TEC: variants seen among roughly 807,000 people sequenced by gnomAD.
TEC encodes tyrosine-protein kinase Tec.
In TEC, 72 loss-of-function variants were observed where a neutral mutation model predicts 93.0. The observed-to-expected ratio is 0.77, with a 90% CI of 0.64 to 0.94. The LOEUF (loss-of-function observed/expected upper bound fraction) is 0.94, where lower values mean the gene tolerates loss of function less well. TEC is among the 40% of genes least tolerant of loss of function. The pLI is 0.00. For synonymous variants in TEC, 249 were observed against 247.7 expected, an observed-to-expected ratio of 1.01 and a Z score of -0.05; for missense variants, 630 against 757.9, an observed-to-expected ratio of 0.83 and a Z score of 1.98.
chr4:48,165,764 T>C (rs1720850925), intron 7 of TEC, among the ~76,000 whole-genome samples: 1 of 152,110 alleles, frequency 6.6e-6, no homozygotes, highest in African/African-American at 2.4e-5. Flanking sequence ...AAATCAAAAA[T>C]GTAGAATAAG....
intron 9 of TEC, among the ~76,000 whole-genome samples, chr4:48,152,546 A>C (rs1005684164): frequency 3.9e-5 from 6 of 152,318 alleles, no homozygotes; most frequent in African/African-American, 1.4e-4. Flanking sequence ...ATATTAATTT[A>C]TTTAATCATC....
chr4:48,216,510 T>TA (rs5858108), intron 2 of TEC, among the ~76,000 whole-genome samples: 7 of 151,880 alleles, frequency 4.6e-5, no homozygotes, highest in South Asian at 4.1e-4. Context: ...AGTTCTTTTT[T>TA]AAAAAAAATG....
At chr4:48,141,297 T>C in intron 15 of TEC, 58 bp downstream of exon 15, 2 of 1,463,986 alleles carry the variant, frequency 1.4e-6, no homozygotes, top group Non-Finnish European at 1.9e-6. Flanking sequence ...TTCCCACACT[T>C]ATTAATTCCA....
chr4:48,248,509 A>G (rs774918480), intron 1 of TEC, among the ~76,000 whole-genome samples: 9 of 152,198 alleles, frequency 5.9e-5, no homozygotes, highest in Non-Finnish European at 1.3e-4. Context: ...CAGCGTCAGT[A>G]CGGGAGGTGA....
At chr4:48,191,027 T>C (rs1722075694) in intron 2 of TEC, among the ~76,000 whole-genome samples, 1 of 152,218 alleles carries the variant, frequency 6.6e-6, no homozygotes, top group Non-Finnish European at 1.5e-5. Context: ...GACATAATGA[T>C]TGAGCACCCA....
At chr4:48,257,603 C>A (rs1252121290) in intron 1 of TEC, among the ~76,000 whole-genome samples, 1 of 152,186 alleles carries the variant, frequency 6.6e-6, no homozygotes, top group Non-Finnish European at 1.5e-5. Context: ...TCTTACCCAC[C>A]TCAAAGGGCT....
At chr4:48,232,967 G>A (rs1272676403) in intron 1 of TEC, among the ~76,000 whole-genome samples, 2 of 152,186 alleles carry the variant, frequency 1.3e-5, no homozygotes, top group African/African-American at 2.4e-5. Flanking sequence ...GAGAGTCCCC[G>A]ATCCTCTCCA....
intron 1 of TEC, among the ~76,000 whole-genome samples, chr4:48,244,105 A>C (rs1157088634): frequency 6.6e-6 from 1 of 152,178 alleles, no homozygotes; most frequent in Non-Finnish European, 1.5e-5. Flanking sequence ...ATACAAGATG[A>C]GTATGAAGAA....
intron 2 of TEC, among the ~76,000 whole-genome samples, chr4:48,193,601 TTTTG>T (rs149678607): frequency 0.02 from 3,080 of 152,264 alleles, 41 homozygotes; most frequent in Non-Finnish European, 0.029. Context: ...TGGCCTGTTT[TTTTG>T]TTTGTTTTTG....
intron 2 of TEC, among the ~76,000 whole-genome samples, chr4:48,188,258 T>C (rs181983559): frequency 6.6e-6 from 1 of 152,264 alleles, no homozygotes; most frequent in Admixed American, 6.5e-5. Context: ...AGAAAGAAAC[T>C]TTCTATTGTG....
chr4:48,202,763 T>C (rs73138446), intron 2 of TEC, among the ~76,000 whole-genome samples: 13,604 of 152,222 alleles, frequency 0.089, 743 homozygotes, highest in East Asian at 0.22. Flanking sequence ...AGGAAGAAAG[T>C]GGCTATGCTC....
chr4:48,219,697 T>C (rs984228674), intron 2 of TEC, among the ~76,000 whole-genome samples: 1 of 152,138 alleles, frequency 6.6e-6, no homozygotes, highest in Non-Finnish European at 1.5e-5. Context: ...AATCACGTGA[T>C]TTGCTTCACC....
chr4:48,148,719 T>C (rs929884105), intron 11 of TEC, among the ~76,000 whole-genome samples: 2 of 152,208 alleles, frequency 1.3e-5, no homozygotes, highest in Admixed American at 6.5e-5. Flanking sequence ...CAAATTGTTA[T>C]ATGGGTAAAC....
At chr4:48,205,006 C>T (rs754224504) in intron 2 of TEC, among the ~76,000 whole-genome samples, 1 of 152,194 alleles carries the variant, frequency 6.6e-6, no homozygotes, top group Non-Finnish European at 1.5e-5. Flanking sequence ...ATGAGCTTCA[C>T]TGTAAGAAAG....
intron 1 of TEC, among the ~76,000 whole-genome samples, chr4:48,246,565 T>C (rs1051167850): frequency 2.6e-5 from 4 of 151,828 alleles, no homozygotes; most frequent in Non-Finnish European, 4.4e-5. Flanking sequence ...TCCATAAGGA[T>C]AGATATATAG....
chr4:48,139,163 C>G (rs931733312), intron 15 of TEC, 141 bp from the exon 16 acceptor site: 11 of 696,094 alleles, frequency 1.6e-5, no homozygotes, highest in Non-Finnish European at 2.4e-5. Context: ...AAATGTTCAC[C>G]TCAGTGGCCA....
chr4:48,158,961 C>G (rs768753897), intron 8 of TEC, among the ~76,000 whole-genome samples: 2 of 151,474 alleles, frequency 1.3e-5, no homozygotes, highest in Non-Finnish European at 2.9e-5. Context: ...TGTTGAAAGA[C>G]AGAAAGGAGG....
chr4:48,236,855 C>T (rs183530060), intron 1 of TEC, among the ~76,000 whole-genome samples: 82 of 152,232 alleles, frequency 5.4e-4, no homozygotes, highest in Non-Finnish European at 9.9e-4. Context: ...CACAGTCCAG[C>T]AATTTTAGCC....
intron 14 of TEC, 103 bp from the exon 15 acceptor site, chr4:48,141,522 A>T: frequency 8.7e-7 from 1 of 1,146,078 alleles, no homozygotes. Context: ...CCTAGTCAAC[A>T]TTTGCAGAGA....
Sources: gnomAD v4.1 joint callset for allele counts (sites outside exome capture counted in the v4.1 genomes callset) on GRCh38, gnomAD v4.1.1 for gene constraint, MANE v1.5 for transcripts, NCBI Gene and HGNC (gene_info 2026-07-23, HGNC 2026-07-21) for gene names.